The following PRRX2 variants were observed in gnomAD, a reference collection of about 807,000 sequenced individuals.
The protein encoded by PRRX2 is paired mesoderm homeobox protein 2.
In PRRX2, 11 loss-of-function variants were observed where a neutral mutation model predicts 18.0. That is an observed-to-expected ratio of 0.61 (90% CI 0.39 to 1.01). The LOEUF is 1.01. PRRX2 is among the 50% of genes least tolerant of loss of function. The probability of loss-of-function intolerance (pLI) is 0.01; values close to 1 mark genes in which losing one functional copy is unlikely to be tolerated. For missense variants in PRRX2, 387 were observed against 351.0 expected (o/e 1.10, Z -0.82); for synonymous variants, 177 against 154.8 (o/e 1.14, Z -1.06).
Position 129,675,099 on chromosome 9 carries a change from G to A in PRRX2, c.259+8973G>A, listed in dbSNP as rs72770217. ...CTCGAGGGGACAGAGAGGCCGGGCA[G>A]AGCTGCCGCAGGATGCATAAGGCTG... is the stretch of plus-strand genomic sequence containing the variant. On this transcript the variant is annotated intron_variant, in intron 1 of 3. Coordinates refer to ENST00000372469, the MANE Select transcript of PRRX2 (RefSeq NM_016307.4). The surrounding 1 kb of genome is among the most constrained non-coding windows in gnomAD (Gnocchi z 4.4). Among the ~76,000 whole-genome samples, 2,476 of 152,294 alleles carry A rather than the reference G, an allele frequency of 0.016. 28 individuals are homozygous for A. The highest frequency in any genetic ancestry group is 0.027 in the Non-Finnish European group (1,816 of 68,012).
rs2241898 is a variant in PRRX2, at chr9:129,722,486, G to C, written c.*134G>C. 254 of 987,666 alleles carry C rather than the reference G, an allele frequency of 2.6e-4. 1 individual carries two copies. The East Asian group carries it at 7.9e-3, about 31-fold the overall frequency. 61.2% of individuals were successfully genotyped at this position (987,666 alleles called of 1,614,324 possible). Reference sequence around the variant, plus strand: ...GTCCAGCCTGGACTCCCGAGCCCACGAGGCTGTTGAGGCCCCTGCAGCCGG... The same window carrying C: ...GTCCAGCCTGGACTCCCGAGCCCACCAGGCTGTTGAGGCCCCTGCAGCCGG... On this transcript the variant is annotated 3_prime_UTR_variant, in exon 4 of 4. Coordinates refer to ENST00000372469, the MANE Select transcript of PRRX2 (RefSeq NM_016307.4).
rs767037621 is a variant in PRRX2 at position 129,720,639 on chromosome 9, G to A, written c.491G>A (p.Arg164Lys). The change falls in exon 3 of 4, where the codon AGG (arginine) becomes AAG (lysine). Residue 164 changes from arginine to lysine, a missense_variant. Coordinates refer to ENST00000372469, the MANE Select transcript of PRRX2 (RefSeq NM_016307.4). ...NRRAKFRRNE[R>K]AMLASRSASL... ...CGCGCCAAGTTCCGCAGGAATGAAA[G>A]GGCCATGCTGGCCAGCCGCTCTGCC... The A allele has an allele frequency of 1.2e-6, 2 of 1,613,210 alleles. No individual in the cohort carries two copies. The highest frequency in any genetic ancestry group is 1.7e-5 in the Admixed American group (1 of 59,954).
At chr9:129,678,590 G>A (rs913681536) in intron 1 of PRRX2, among the ~76,000 whole-genome samples, 7 of 152,152 alleles carry the variant, frequency 4.6e-5, no homozygotes, top group South Asian at 2.1e-4. Context: ...AGGGCACGCC[G>A]GGTGGAGGAA....
At position 129,695,154 on chromosome 9, in the gene PRRX2, G is replaced by T. The variant is rs12350383; in HGVS notation, c.260-24077G>T. On this transcript the variant is annotated intron_variant, in intron 1 of 3. Transcript: ENST00000372469. This position sits in a 1 kb window ranked among gnomAD's most constrained non-coding sequence, Gnocchi z 4.8. ...CTGGCCAAGGCCAGGGCCTCATGAA[G>T]ATCCAGGGTCATTCTAGAAGTTCTA... Among the ~76,000 whole-genome samples, 6,669 of 152,270 alleles carry T rather than the reference G, an allele frequency of 0.044. 496 individuals carry two copies. Among genetic ancestry groups the T allele is most frequent in the African/African-American group, 0.15 (6,291 of 41,522 alleles).
intron 1 of PRRX2, among the ~76,000 whole-genome samples, chr9:129,681,712 G>A (rs1251176320): frequency 1.4e-5 from 2 of 145,828 alleles, no homozygotes; most frequent in African/African-American, 2.5e-5. Context: ...ACCAGAACCA[G>A]ATGGAAACCC....
rs71385454 is a variant in PRRX2 at position 129,684,482 on chromosome 9, TCACACACACACACA to T, written c.259+18384_259+18397del. Among the ~76,000 whole-genome samples the T allele has an allele frequency of 2.5e-4, 11 of 43,246 alleles. No individual in the cohort carries two copies. In the South Asian group the frequency reaches 5.1e-3, roughly 20 times the overall value. 28.4% of individuals were successfully genotyped at this position (43,246 alleles called of 152,430 possible). ...CACCCAACAGAAAAGATACCAGAAATCACACACACACACACACACACACACACACACACACACAC... is the reference window on the plus strand; with the variant it reads ...CACCCAACAGAAAAGATACCAGAAATCACACACACACACACACACACACAC... On this transcript the variant is annotated intron_variant, in intron 1 of 3. Transcript: ENST00000372469.
rs182207667 is a variant in PRRX2, at chr9:129,675,513, C to A, written c.259+9387C>A. ...GCACCTCCTGCCCCCCTGCTACCCT[C>A]CCTCCCCCATGGGGTCCCCTCAAAG... On this transcript the variant is annotated intron_variant, in intron 1 of 3. Coordinates refer to ENST00000372469, the MANE Select transcript of PRRX2 (RefSeq NM_016307.4). This position sits in a 1 kb window ranked among gnomAD's most constrained non-coding sequence, Gnocchi z 4.4. 1.5e-3 allele frequency among the ~76,000 whole-genome samples: 228 copies of A among 152,138 alleles called. No homozygotes were observed. Among genetic ancestry groups the A allele is most frequent in the African/African-American group, 5.1e-3 (210 of 41,506 alleles).
At chr9:129,704,706 A>G (rs975631389) in intron 1 of PRRX2, among the ~76,000 whole-genome samples, 2 of 152,212 alleles carry the variant, frequency 1.3e-5, no homozygotes, top group African/African-American at 2.4e-5. Context: ...GTCTTGACAG[A>G]TGACCTCTAA....
At chr9:129,706,981 T>A (rs943211691) in intron 1 of PRRX2, among the ~76,000 whole-genome samples, 5 of 152,094 alleles carry the variant, frequency 3.3e-5, no homozygotes, top group African/African-American at 1.2e-4. Flanking sequence ...TAGGGCCTGG[T>A]GCAGTGGCTC....
intron 1 of PRRX2, among the ~76,000 whole-genome samples, chr9:129,697,516 C>T (rs1832441981): frequency 6.6e-6 from 1 of 151,138 alleles, no homozygotes; most frequent in Admixed American, 6.6e-5. Flanking sequence ...GCCGCTCTGG[C>T]CGCCACCAGC....
intron 1 of PRRX2, among the ~76,000 whole-genome samples, chr9:129,710,144 A>G (rs1339627628): frequency 6.6e-6 from 1 of 152,124 alleles, no homozygotes; most frequent in Non-Finnish European, 1.5e-5. Context: ...AAAGTGAGCA[A>G]GAGAGGGAGG....
chr9:129,718,620 C>T (rs1832745131), intron 1 of PRRX2: 1 of 152,378 alleles, frequency 6.6e-6, no homozygotes, highest in Non-Finnish European at 1.5e-5. Context: ...TCCACTGGGA[C>T]CTTGAACTTG....
chr9:129,677,185 C>T (rs1832170228), intron 1 of PRRX2, among the ~76,000 whole-genome samples: 1 of 152,234 alleles, frequency 6.6e-6, no homozygotes, highest in Non-Finnish European at 1.5e-5. Context: ...ACAGAGCGCC[C>T]CCAGCGATCC....
chr9:129,678,272 G>A (rs556915256), intron 1 of PRRX2, among the ~76,000 whole-genome samples: 9 of 152,160 alleles, frequency 5.9e-5, no homozygotes, highest in Non-Finnish European at 1.3e-4. Context: ...CCTAGGGGGC[G>A]GCTTTTTCAA....
intron 1 of PRRX2, among the ~76,000 whole-genome samples, chr9:129,714,815 T>C (rs1157517274): frequency 6.6e-6 from 1 of 152,186 alleles, no homozygotes; most frequent in East Asian, 1.9e-4. Flanking sequence ...TCTCCTTTTT[T>C]GGCTGAAATG....
intron 2 of PRRX2, among the ~76,000 whole-genome samples, chr9:129,720,307 C>G (rs958432819): frequency 3.3e-5 from 5 of 152,004 alleles, no homozygotes; most frequent in Admixed American, 6.5e-5. Flanking sequence ...CGCCTTTCCC[C>G]GCGAGTGCTC....
chr9:129,722,514 C>G lies in PRRX2; in HGVS notation c.*162C>G, dbSNP rs28441121. Reference sequence around the variant, plus strand: ...GCTGTTGAGGCCCCTGCAGCCGGGCCCAGCTCTTCTGTCCTTGGCCACCAG... The same window carrying G: ...GCTGTTGAGGCCCCTGCAGCCGGGCGCAGCTCTTCTGTCCTTGGCCACCAG... On this transcript the variant is annotated 3_prime_UTR_variant, in exon 4 of 4. Coordinates refer to ENST00000372469, the MANE Select transcript of PRRX2 (RefSeq NM_016307.4). The G allele has an allele frequency of 0.082, 61,135 of 748,258 alleles. 5,192 individuals carry two copies. The highest frequency in any genetic ancestry group is 0.35 in the African/African-American group (19,209 of 54,560). 46.4% of individuals were successfully genotyped at this position (748,258 alleles called of 1,614,324 possible).
intron 1 of PRRX2, among the ~76,000 whole-genome samples, chr9:129,686,410 G>A (rs903242970): frequency 6.6e-6 from 1 of 152,168 alleles, no homozygotes; most frequent in Non-Finnish European, 1.5e-5. Flanking sequence ...GCAGTGGTGC[G>A]ATCACAGCTC....
rs1051613481 is a variant in PRRX2 at position 129,715,750 on chromosome 9, T to A, written c.260-3481T>A. On this transcript the variant is annotated intron_variant, in intron 1 of 3. Coordinates refer to ENST00000372469, the MANE Select transcript of PRRX2 (RefSeq NM_016307.4). This position sits in a 1 kb window ranked among gnomAD's most constrained non-coding sequence, Gnocchi z 4.0. ...AAACCCAGCTTCAGGGACATCTTTCTCACACACACACACACACACACACAC... is the reference window on the plus strand; with the variant it reads ...AAACCCAGCTTCAGGGACATCTTTCACACACACACACACACACACACACAC... Among the ~76,000 whole-genome samples, 36 of 138,954 alleles carry A rather than the reference T, an allele frequency of 2.6e-4. No homozygotes were observed. The highest frequency in any genetic ancestry group is 1.4e-3 in the East Asian group (6 of 4,392). The allele number at this position is 138,954 out of a possible 152,430, so 91.2% of individuals were successfully genotyped here.
Sources: allele counts gnomAD v4.1 joint callset (sites outside exome capture counted in the v4.1 genomes callset), GRCh38; gene constraint gnomAD v4.1.1; non-coding constraint Gnocchi (gnomAD v3.1); transcripts MANE v1.5; gene names NCBI Gene and HGNC (gene_info 2026-07-23, HGNC 2026-07-21).